SLC36A1: variants seen among roughly 807,000 people sequenced by gnomAD.
SLC36A1 encodes the protein proton-coupled amino acid transporter 1.
SLC36A1 carries 30 observed loss-of-function variants against 47.5 expected under a neutral mutation model. That is an observed-to-expected ratio of 0.63 (90% confidence interval 0.47 to 0.86). SLC36A1 has a LOEUF of 0.86. Ranked by LOEUF, SLC36A1 falls within the 40% of genes least tolerant of loss-of-function variation. SLC36A1 has a pLI of 0.00. For missense variants in SLC36A1, 517 were observed against 606.0 expected (o/e 0.85, Z 1.54); for synonymous variants, 255 against 249.7 (o/e 1.02, Z -0.20).
chr5:151,548,621 C>G, the SLC36A1 span, among the ~76,000 whole-genome samples: 2 of 152,148 alleles, frequency 1.3e-5, no homozygotes, highest in South Asian at 4.1e-4. Context: ...GCTGGGATTA[C>G]AGGTGCATGT....
the SLC36A1 span, among the ~76,000 whole-genome samples, chr5:151,405,257 C>T: frequency 6.6e-6 from 1 of 150,694 alleles, no homozygotes; most frequent in Admixed American, 6.6e-5. Flanking sequence ...CTTAAAATGG[C>T]TATGTTGTCT....
chr5:151,377,591 C>T, the SLC36A1 span, among the ~76,000 whole-genome samples: 1 of 151,900 alleles, frequency 6.6e-6, no homozygotes, highest in Non-Finnish European at 1.5e-5. Flanking sequence ...TCGTGATCCG[C>T]CCGTCTCGGC....
chr5:151,377,344 TTTC>T, the SLC36A1 span, among the ~76,000 whole-genome samples: 1 of 139,942 alleles, frequency 7.1e-6, no homozygotes, highest in Non-Finnish European at 1.5e-5. Flanking sequence ...TTGCTGTCTC[TTTC>T]TTTTTTTTTT....
chr5:151,368,847 A>G, the SLC36A1 span, among the ~76,000 whole-genome samples: 1 of 152,224 alleles, frequency 6.6e-6, no homozygotes, highest in African/African-American at 2.4e-5. Flanking sequence ...CCCCTTGAAC[A>G]AAGGCAGAAC....
At chr5:151,512,358 A>T in the SLC36A1 span, 3 of 1,614,214 alleles carry the variant, frequency 1.9e-6, no homozygotes, top group Non-Finnish European at 2.5e-6. This position sits in a 1 kb window ranked among gnomAD's most constrained non-coding sequence, Gnocchi z 4.1. Flanking sequence ...CCTGGGAGAC[A>T]TTCGAGGAAG....
chr5:151,546,405 C>T, the SLC36A1 span: 1 of 1,220,734 alleles, frequency 8.2e-7, no homozygotes, highest in East Asian at 2.3e-5. Context: ...CTTTCTAGAT[C>T]AGTAAAGGGT....
the SLC36A1 span, chr5:151,382,055 T>C: frequency 2.9e-6 from 2 of 700,208 alleles, no homozygotes; most frequent in Non-Finnish European, 5.1e-6. Context: ...CCCTTCCTGT[T>C]ACAGGAGGCA....
intron 4 of SLC36A1, 72 bp from the exon 5 acceptor site, chr5:151,465,002 C>T (rs1283402853): frequency 1.6e-6 from 2 of 1,226,136 alleles, no homozygotes; most frequent in Non-Finnish European, 2.4e-6. Flanking sequence ...GTCTCAGTGG[C>T]TCTTTTTGTT....
At chr5:151,361,266 C>A in the SLC36A1 span, among the ~76,000 whole-genome samples, 1 of 152,132 alleles carries the variant, frequency 6.6e-6, no homozygotes, top group Non-Finnish European at 1.5e-5. Context: ...AGGCTGAATT[C>A]ATTTTCACAA....
intron 5 of SLC36A1, among the ~76,000 whole-genome samples, chr5:151,465,945 T>TAAA (rs35854261): frequency 0.17 from 25,594 of 146,876 alleles, 2,553 homozygotes; most frequent in Non-Finnish European, 0.24. Context: ...TAAAAATTCT[T>TAAA]AAAAAAAAAA....
chr5:151,347,548 C>A, the SLC36A1 span: 1 of 1,528,862 alleles, frequency 6.5e-7, no homozygotes, highest in Non-Finnish European at 9.0e-7. Context: ...TAGATGTACA[C>A]CCCAGCACAG....
chr5:151,462,666 C>CTT (rs769677218), intron 2 of SLC36A1, among the ~76,000 whole-genome samples: 2 of 142,800 alleles, frequency 1.4e-5, no homozygotes. Context: ...CCTGGCCTGA[C>CTT]TTTTTTTTTT....
At chr5:151,352,041 A>G in the SLC36A1 span, among the ~76,000 whole-genome samples, 113 of 152,106 alleles carry the variant, frequency 7.4e-4, no homozygotes, top group Middle Eastern at 3.4e-3. Flanking sequence ...TTTTTCCTGC[A>G]TTAAATTTTG....
the SLC36A1 span, among the ~76,000 whole-genome samples, chr5:151,383,470 A>C: frequency 6.6e-6 from 1 of 152,014 alleles, no homozygotes; most frequent in East Asian, 1.9e-4. Context: ...TGGGCAAAAT[A>C]TATCACTCCA....
chr5:151,382,491 C>G, the SLC36A1 span: 1 of 532,634 alleles, frequency 1.9e-6, no homozygotes, highest in Non-Finnish European at 3.3e-6. Flanking sequence ...TGCATTTTTC[C>G]CAGACCCTGC....
chr5:151,505,816 A>T, the SLC36A1 span: 1 of 1,613,278 alleles, frequency 6.2e-7, no homozygotes, highest in Non-Finnish European at 8.5e-7. Context: ...TCATTGAGAC[A>T]GGGGGCAACC....
At chr5:151,473,587 A>G (rs542118539) in intron 7 of SLC36A1, 86 bp from the exon 8 acceptor site, 11 of 837,170 alleles carry the variant, frequency 1.3e-5, no homozygotes, top group Non-Finnish European at 2.0e-5. Flanking sequence ...GTTAAAAGGT[A>G]TGACCTCTCC....
chr5:151,355,407 A>G, the SLC36A1 span, among the ~76,000 whole-genome samples: 1 of 152,250 alleles, frequency 6.6e-6, no homozygotes, highest in African/African-American at 2.4e-5. Context: ...ACAATACGAC[A>G]TACTACTGGA....
chr5:151,510,263 C>T, the SLC36A1 span: 60 of 1,404,112 alleles, frequency 4.3e-5, no homozygotes, highest in South Asian at 3.1e-4. Flanking sequence ...TTTGTGCAGC[C>T]GTTCAGTTAC....
Sources: allele counts gnomAD v4.1 joint callset (sites outside exome capture counted in the v4.1 genomes callset), GRCh38; gene constraint gnomAD v4.1.1; non-coding constraint Gnocchi (gnomAD v3.1); transcripts MANE v1.5; gene names NCBI Gene and HGNC (gene_info 2026-07-23, HGNC 2026-07-21).